KDM4C: variants seen among roughly 807,000 people sequenced by gnomAD.
KDM4C encodes lysine demethylase 4C.
In KDM4C, 81 loss-of-function variants were observed where a neutral mutation model predicts 129.3. That is an observed-to-expected ratio of 0.63 (90% confidence interval 0.52 to 0.75). The LOEUF is 0.75. KDM4C is among the 30% of genes least tolerant of loss of function. The pLI, the probability that KDM4C is intolerant of heterozygous loss-of-function variation, is 0.00. For missense variants in KDM4C, 1,457 were observed against 1,304.0 expected (o/e 1.12, Z -1.81); for synonymous variants, 573 against 456.1 (o/e 1.26, Z -3.26).
At chr9:6,803,044 A>C (rs923860184) in intron 2 of KDM4C, among the ~76,000 whole-genome samples, 2 of 152,252 alleles carry the variant, frequency 1.3e-5, no homozygotes, top group Non-Finnish European at 2.9e-5. Flanking sequence ...ATAAAACTAA[A>C]GCCCAGCAAT....
intron 12 of KDM4C, among the ~76,000 whole-genome samples, chr9:7,008,283 C>T (rs1001379952): frequency 3.3e-5 from 5 of 152,172 alleles, no homozygotes; most frequent in African/African-American, 1.2e-4. Context: ...CAGACTGAGC[C>T]TCCAGGATTG....
At chr9:6,858,168 A>G (rs1486328862) in intron 5 of KDM4C, among the ~76,000 whole-genome samples, 1 of 152,166 alleles carries the variant, frequency 6.6e-6, no homozygotes, top group Non-Finnish European at 1.5e-5. Flanking sequence ...TTGAAGAAAC[A>G]GAAGACTCAG....
At chr9:6,937,881 T>C (rs2131365058) in intron 8 of KDM4C, among the ~76,000 whole-genome samples, 1 of 152,110 alleles carries the variant, frequency 6.6e-6, no homozygotes, top group South Asian at 2.1e-4. Flanking sequence ...CCAGCTAATT[T>C]TTGAATTTTT....
At chr9:7,122,496 A>T (rs542647575) in intron 18 of KDM4C, among the ~76,000 whole-genome samples, 28 of 152,232 alleles carry the variant, frequency 1.8e-4, no homozygotes, top group South Asian at 6.2e-4. Flanking sequence ...CTACTTCTAA[A>T]CTGTTCTGAG....
At chr9:7,076,907 G>C in intron 17 of KDM4C, 6 of 987,476 alleles carry the variant, frequency 6.1e-6, no homozygotes, top group Non-Finnish European at 7.2e-6. Flanking sequence ...CTGTAGCATG[G>C]AGGCATTATA....
At chr9:6,997,025 C>A (rs1586799649) in intron 12 of KDM4C, among the ~76,000 whole-genome samples, 1 of 146,012 alleles carries the variant, frequency 6.8e-6, no homozygotes, top group East Asian at 2.0e-4. Context: ...TCTCTCCATG[C>A]CTACAAATGA....
intron 5 of KDM4C, among the ~76,000 whole-genome samples, chr9:6,866,374 C>G (rs4439184): frequency 0.21 from 31,904 of 152,036 alleles, 4,184 homozygotes; most frequent in Middle Eastern, 0.39. Flanking sequence ...AGTAAAGGAT[C>G]AGAGTGCCCC....
chr9:7,136,881 A>C (rs748385775), intron 19 of KDM4C, among the ~76,000 whole-genome samples: 1 of 152,202 alleles, frequency 6.6e-6, no homozygotes, highest in Non-Finnish European at 1.5e-5. Flanking sequence ...ATTTGAGTTC[A>C]TGAAGTTTCA....
intron 1 of KDM4C, among the ~76,000 whole-genome samples, chr9:6,731,325 C>CTTTTTT (rs34724329): frequency 9.6e-5 from 11 of 114,050 alleles, no homozygotes; most frequent in South Asian, 2.9e-4. Flanking sequence ...TTTTTTTTTG[C>CTTTTTT]TTTTTTTTTT....
At chr9:6,913,981 T>A (rs1226400583) in intron 8 of KDM4C, among the ~76,000 whole-genome samples, 1 of 152,268 alleles carries the variant, frequency 6.6e-6, no homozygotes, top group Non-Finnish European at 1.5e-5. Flanking sequence ...TCTGCGTTTC[T>A]TTTTCAATTC....
At chr9:6,757,641 G>C, upstream of KDM4C, 1 of 985,488 alleles carries the variant, frequency 1.0e-6, no homozygotes, top group Non-Finnish European at 1.2e-6. Context: ...GTCGGAGGCC[G>C]CCATAGGTGC....
chr9:6,728,158 GA>G (rs1817203282), intron 1 of KDM4C, among the ~76,000 whole-genome samples: 2 of 147,718 alleles, frequency 1.4e-5, no homozygotes, highest in Non-Finnish European at 1.5e-5. Flanking sequence ...CAGCTGCAAA[GA>G]AAAAGTGTTA....
intron 5 of KDM4C, among the ~76,000 whole-genome samples, chr9:6,852,267 A>AAT (rs1838985894): frequency 1.3e-5 from 2 of 152,236 alleles, no homozygotes; most frequent in African/African-American, 2.4e-5. Context: ...ACACAAATTC[A>AAT]TGGAAGTATT....
chr9:6,992,309 C>T (rs1233817806), intron 12 of KDM4C, among the ~76,000 whole-genome samples: 1 of 152,142 alleles, frequency 6.6e-6, no homozygotes, highest in Non-Finnish European at 1.5e-5. Flanking sequence ...TTTTGGAAAG[C>T]AGTTCTGATT....
At chr9:6,833,066 T>C (rs1232369376) in intron 4 of KDM4C, among the ~76,000 whole-genome samples, 1 of 152,022 alleles carries the variant, frequency 6.6e-6, no homozygotes, top group Non-Finnish European at 1.5e-5. Flanking sequence ...GTGTTTTAAA[T>C]TTTTCATATG....
rs533961018 is a variant in KDM4C, at chr9:6,797,465, T to C, written c.144+4333T>C. Among the ~76,000 whole-genome samples the C allele has an allele frequency of 1.6e-4, 25 of 151,966 alleles. No homozygotes were observed. The East Asian group carries it at 4.4e-3, about 27-fold the overall frequency. The stretch of plus-strand genomic sequence containing the variant: ...TAACATTTATTTTTTGAGTGGAAGG[T>C]TTGACACTTTGACTGTCTACAAAGT... On this transcript the variant is annotated intron_variant, in intron 2 of 21. Transcript: ENST00000381309.
At chr9:7,107,510 T>G (rs1837829739) in intron 18 of KDM4C, among the ~76,000 whole-genome samples, 1 of 152,230 alleles carries the variant, frequency 6.6e-6, no homozygotes, top group Admixed American at 6.5e-5. Context: ...CTTAGTAAAC[T>G]TTCATATTAG....
chr9:6,765,093 C>T (rs1481747625), intron 1 of KDM4C, among the ~76,000 whole-genome samples: 1 of 152,206 alleles, frequency 6.6e-6, no homozygotes, highest in Non-Finnish European at 1.5e-5. Flanking sequence ...ATCCTCCCTC[C>T]AATCTCTTTC....
intron 21 of KDM4C, among the ~76,000 whole-genome samples, chr9:7,173,317 G>A (rs1187939492): frequency 2.0e-5 from 3 of 152,216 alleles, no homozygotes; most frequent in African/African-American, 7.2e-5. Context: ...GGGGCCCTGA[G>A]CCAGGCAAGT....
Sources: gnomAD v4.1 joint callset for allele counts (sites outside exome capture counted in the v4.1 genomes callset) on GRCh38, gnomAD v4.1.1 for gene constraint, MANE v1.5 for transcripts, NCBI Gene and HGNC (gene_info 2026-07-23, HGNC 2026-07-21) for gene names.